Variants in ZNF76 observed in about 807,000 individuals in gnomAD.
ZNF76 encodes zinc finger protein 523.
ZNF76 carries 66 observed loss-of-function variants against 66.9 expected under a neutral mutation model. The observed-to-expected ratio is 0.99, with a 90% CI of 0.81 to 1.21. ZNF76 has a LOEUF of 1.21. Ranked by LOEUF, ZNF76 falls within the 50% of genes most tolerant of loss-of-function variation. The pLI is 0.00. For synonymous variants in ZNF76, 275 were observed against 296.1 expected (o/e 0.93, Z 0.73); for missense variants, 729 against 760.3 (o/e 0.96, Z 0.48).
At position 35,292,898 on chromosome 6, in the gene ZNF76, G is replaced by T; in HGVS notation, c.1183G>T (p.Glu395Ter). The T allele has an allele frequency of 1.2e-6, 2 of 1,614,198 alleles. No homozygotes were observed. Among genetic ancestry groups the T allele is most frequent in the Non-Finnish European group, 1.7e-6 (2 of 1,180,036 alleles). The change falls in exon 11 of 14, where the codon GAG (glutamate) becomes TAG (stop). Residue 395 changes from glutamate (E) to a stop codon, truncating the protein, a stop_gained. Coordinates refer to ENST00000373953, the MANE Select transcript of ZNF76 (RefSeq NM_003427.5). LOFTEE classifies it high-confidence loss of function. The surrounding 1 kb of genome is among the most constrained non-coding windows in gnomAD (Gnocchi z 4.7). Reference protein sequence around the residue: ...QQLEAASAAEESPPPKRPRIA... With the variant: ...QQLEAASAAE ...TCTCCCAGCCGCCTCTGCAGCCGAG[G>T]AGAGTCCGCCACCCAAACGACCCCG... is the stretch of plus-strand genomic sequence containing the variant.
intron 2 of ZNF76, among the ~76,000 whole-genome samples, chr6:35,285,922 G>A (rs1789491615): frequency 1.8e-5 from 1 of 55,598 alleles, no homozygotes. Context: ...GGAGGTGATG[G>A]GTTCGGCAAG....
chr6:35,286,526 C>A, intron 4 of ZNF76, 127 bp downstream of exon 4: 2 of 850,118 alleles, frequency 2.4e-6, no homozygotes, highest in Non-Finnish European at 3.8e-6. Context: ...CTCCATGGTA[C>A]ACACATGCTC....
chr6:35,269,251 A>G (rs1786622078), intron 1 of ZNF76, among the ~76,000 whole-genome samples: 2 of 136,850 alleles, frequency 1.5e-5, no homozygotes, highest in East Asian at 2.2e-4. Context: ...ATTGCACTCC[A>G]GCCTGGGCGA....
rs766364824 is a variant in ZNF76, at chr6:35,292,635, T to G, written c.1013T>G (p.Val338Gly). The G allele has an allele frequency of 6.2e-7, 1 of 1,613,840 alleles. No homozygotes were observed. The highest frequency in any genetic ancestry group is 1.3e-5 in the African/African-American group (1 of 74,878). Reference protein sequence around the residue: ...EYSSLYKHHVVHTHCKPYTCS... With the variant: ...EYSSLYKHHVGHTHCKPYTCS... The stretch of plus-strand genomic sequence containing the variant: ...TCGAGCTTGTATAAGCACCACGTGG[T>G]GCACACACACTGCAAGCCCTACACC... Residue 338 changes from valine to glycine, a missense_variant, in exon 10 of 14, where the codon GTG becomes GGG. Coordinates refer to ENST00000373953, the MANE Select transcript of ZNF76 (RefSeq NM_003427.5). The surrounding 1 kb of genome is among the most constrained non-coding windows in gnomAD (Gnocchi z 4.7).
At chr6:35,290,803 C>A in intron 7 of ZNF76, 87 bp downstream of exon 7, 1 of 1,288,908 alleles carries the variant, frequency 7.8e-7, no homozygotes, top group South Asian at 1.2e-5. Flanking sequence ...CAACACCAGG[C>A]TGCTTTCCTG....
intron 9 of ZNF76, chr6:35,291,988 C>A: frequency 1.8e-6 from 1 of 569,056 alleles, no homozygotes; most frequent in South Asian, 2.0e-5. Flanking sequence ...TACCACCCCT[C>A]TACACCCACC....
chr6:35,295,022 A>G (rs1790982355), intron 13 of ZNF76, 122 bp from the exon 14 acceptor site: 1 of 676,354 alleles, frequency 1.5e-6, no homozygotes, highest in Non-Finnish European at 2.6e-6. Context: ...CTAAGTGCTC[A>G]GCGTGTGGCA....
At chr6:35,267,595 G>A (rs1786342506) in intron 1 of ZNF76, among the ~76,000 whole-genome samples, 1 of 152,220 alleles carries the variant, frequency 6.6e-6, no homozygotes, top group Non-Finnish European at 1.5e-5. Flanking sequence ...CCCAGTGAGT[G>A]CCTGCCATGT....
intron 2 of ZNF76, among the ~76,000 whole-genome samples, chr6:35,285,044 T>C (rs1165343574): frequency 6.6e-6 from 1 of 152,218 alleles, no homozygotes; most frequent in African/African-American, 2.4e-5. Flanking sequence ...TTCTTTCCTT[T>C]CTCATTTCTC....
chr6:35,294,789 G>C, intron 13 of ZNF76: 2 of 600,316 alleles, frequency 3.3e-6, no homozygotes, highest in South Asian at 1.9e-5. Flanking sequence ...GGATAACTCC[G>C]ATGGCAGTCC....
rs1790466594 is a variant in ZNF76, at chr6:35,292,007, T to C, written c.931+270T>C. On this transcript the variant is annotated intron_variant, in intron 9 of 13. Transcript: ENST00000373953. The surrounding 1 kb of genome is among the most constrained non-coding windows in gnomAD (Gnocchi z 4.7). ...ACCCCTCTACACCCACCCTGAGTTC[T>C]CCAACTCTGACTGAACTCTTGAAAA... 2 of 543,544 alleles carry C rather than the reference T, an allele frequency of 3.7e-6. No individual in the cohort carries two copies. The highest frequency in any genetic ancestry group is 2.1e-5 in the South Asian group (1 of 47,222). The allele number at this position is 543,544 out of a possible 1,614,324, so 33.7% of individuals were successfully genotyped here.
rs765383098 is a variant in ZNF76, at chr6:35,287,607, C to T, written c.233-39C>T. ...CTAGGGTCCCAGCTGTATCTCTTCC[C>T]CTTGTGTGGCATCAGGGCTAACCGC... On this transcript the variant is annotated intron_variant, in intron 4 of 13. Coordinates refer to ENST00000373953, the MANE Select transcript of ZNF76 (RefSeq NM_003427.5). This position sits in a 1 kb window ranked among gnomAD's most constrained non-coding sequence, Gnocchi z 4.0. 4 of 1,556,790 alleles carry T rather than the reference C, an allele frequency of 2.6e-6. No individual in the cohort carries two copies. The South Asian group carries it at 3.6e-5, about 14-fold the overall frequency.
chr6:35,274,379 G>A (rs769117190), intron 1 of ZNF76, among the ~76,000 whole-genome samples: 4 of 152,198 alleles, frequency 2.6e-5, no homozygotes, highest in Admixed American at 1.3e-4. Context: ...ATAGAATAGC[G>A]AACAGGTGCC....
chr6:35,275,382 C>T (rs1170523099), intron 1 of ZNF76, among the ~76,000 whole-genome samples: 4 of 152,100 alleles, frequency 2.6e-5, no homozygotes, highest in African/African-American at 9.7e-5. Flanking sequence ...TCTCGGAGGG[C>T]TGCAGGAGTA....
At position 35,292,893 on chromosome 6, in the gene ZNF76, C is replaced by G. The variant is rs1194434603; in HGVS notation, c.1178C>G (p.Ala393Gly). The change falls in exon 11 of 14, where the codon GCC (alanine) becomes GGC (glycine). Residue 393 changes from alanine (A) to glycine (G), a missense_variant. Physicochemically the swap from Ala to Gly is moderately conservative, Grantham distance 60. Transcript: ENST00000373953. This position sits in a 1 kb window ranked among gnomAD's most constrained non-coding sequence, Gnocchi z 4.7. ...TCTCCTCTCCCAGCCGCCTCTGCAG[C>G]CGAGGAGAGTCCGCCACCCAAACGA... ...EQQQLEAASA[A>G]EESPPPKRPR... 2 of 1,614,050 alleles carry G rather than the reference C, an allele frequency of 1.2e-6. No homozygotes were observed. The highest frequency in any genetic ancestry group is 1.7e-6 in the Non-Finnish European group (2 of 1,180,044).
At chr6:35,262,508 A>G (rs553075933) in intron 1 of ZNF76, among the ~76,000 whole-genome samples, 94 of 152,250 alleles carry the variant, frequency 6.2e-4, no homozygotes, top group African/African-American at 2.2e-3. Context: ...CACTCACCAT[A>G]CAGTGTCTCC....
chr6:35,291,586 G>A lies in ZNF76; in HGVS notation c.780G>A (p.Glu260=). The A allele has an allele frequency of 6.2e-7, 1 of 1,613,948 alleles. No individual in the cohort carries two copies. Residue 260 remains glutamate (E), a synonymous_variant, in exon 9 of 14, where the codon GAG becomes GAA. Coordinates refer to ENST00000373953, the MANE Select transcript of ZNF76 (RefSeq NM_003427.5). ...TGERPFQCPF[E]GCGRSFTTSN... ...AACGCCCGTTCCAGTGCCCTTTTGA[G>A]GGCTGTGGCCGCTCCTTCACCACAT...
chr6:35,277,939 A>G (rs1303481352), intron 1 of ZNF76, among the ~76,000 whole-genome samples: 1 of 152,112 alleles, frequency 6.6e-6, no homozygotes, highest in Non-Finnish European at 1.5e-5. Context: ...GGCTCACTGC[A>G]AGCTCCGCCT....
chr6:35,289,117 C>T (rs1214693497), intron 5 of ZNF76, among the ~76,000 whole-genome samples: 1 of 152,094 alleles, frequency 6.6e-6, no homozygotes, highest in Admixed American at 6.5e-5. Context: ...GCTTGCTCTA[C>T]CTCTACCTAG....
Sources: allele counts gnomAD v4.1 joint callset (sites outside exome capture counted in the v4.1 genomes callset), GRCh38; gene constraint gnomAD v4.1.1; non-coding constraint Gnocchi (gnomAD v3.1); transcripts MANE v1.5; gene names NCBI Gene and HGNC (gene_info 2026-07-23, HGNC 2026-07-21).